Variants in EFNA5 observed in about 807,000 individuals in gnomAD.
EFNA5 encodes the protein ephrin-A5.
Under a neutral mutation model 22.9 loss-of-function variants are expected in EFNA5, and 5 were observed. The observed-to-expected ratio is 0.22, with a 90% CI of 0.11 to 0.46. EFNA5 has a LOEUF of 0.46. Ranked by LOEUF, EFNA5 falls within the 20% of genes least tolerant of loss-of-function variation. EFNA5 has a pLI of 0.99. For missense variants in EFNA5, 237 were observed against 293.3 expected, an observed-to-expected ratio of 0.81 and a Z score of 1.40; for synonymous variants, 113 against 112.2, an observed-to-expected ratio of 1.01 and a Z score of -0.04.
At chr5:107,590,056 G>A (rs1403063293) in intron 1 of EFNA5, among the ~76,000 whole-genome samples, 1 of 151,634 alleles carries the variant, frequency 6.6e-6, no homozygotes, top group Non-Finnish European at 1.5e-5. Flanking sequence ...GACTCTCATT[G>A]GAGACGGTGA....
intron 2 of EFNA5, among the ~76,000 whole-genome samples, chr5:107,417,826 T>C (rs1243745673): frequency 2.0e-5 from 3 of 152,150 alleles, no homozygotes; most frequent in East Asian, 3.8e-4. Flanking sequence ...CTGTAGATAA[T>C]ATAAGCCTGC....
chr5:107,607,067 A>C (rs1275428119), intron 1 of EFNA5, among the ~76,000 whole-genome samples: 2 of 152,234 alleles, frequency 1.3e-5, no homozygotes, highest in East Asian at 3.8e-4. Context: ...AAACAAAAAC[A>C]TGAATATGGT....
chr5:107,444,121 G>A (rs1346670543), intron 1 of EFNA5, among the ~76,000 whole-genome samples: 4 of 152,118 alleles, frequency 2.6e-5, no homozygotes, highest in Admixed American at 2.6e-4. Context: ...TGATGTAAGT[G>A]GTTCAGAACA....
chr5:107,599,679 T>G (rs1285977026), intron 1 of EFNA5, among the ~76,000 whole-genome samples: 1 of 152,246 alleles, frequency 6.6e-6, no homozygotes, highest in Non-Finnish European at 1.5e-5. Flanking sequence ...CTAGAAAGAT[T>G]TGTTAAATAT....
chr5:107,479,956 C>T (rs183800398), intron 1 of EFNA5, among the ~76,000 whole-genome samples: 6 of 152,222 alleles, frequency 3.9e-5, no homozygotes, highest in Admixed American at 1.3e-4. Flanking sequence ...GTACAATACT[C>T]GTACTCTCCG....
chr5:107,625,149 C>T (rs1580566872), intron 1 of EFNA5, among the ~76,000 whole-genome samples: 1 of 152,078 alleles, frequency 6.6e-6, no homozygotes, highest in East Asian at 1.9e-4. Context: ...TTTTGAAATA[C>T]TATGCAGAGC....
chr5:107,591,037 T>C (rs1305964486), intron 1 of EFNA5, among the ~76,000 whole-genome samples: 3 of 151,962 alleles, frequency 2.0e-5, no homozygotes, highest in African/African-American at 7.2e-5. Context: ...CAATAATTTT[T>C]AATTACTTAA....
intron 1 of EFNA5, among the ~76,000 whole-genome samples, chr5:107,591,756 A>C (rs1283666327): frequency 2.1e-5 from 3 of 140,510 alleles, no homozygotes; most frequent in Non-Finnish European, 4.5e-5. Flanking sequence ...GGGAGGCGGA[A>C]GTTGCAGTGA....
At chr5:107,429,822 TAGC>T (rs1439796778) in intron 1 of EFNA5, among the ~76,000 whole-genome samples, 1 of 152,212 alleles carries the variant, frequency 6.6e-6, no homozygotes, top group Non-Finnish European at 1.5e-5. Flanking sequence ...TTTAAAATAA[TAGC>T]AGTAAGAACA....
intron 1 of EFNA5, among the ~76,000 whole-genome samples, chr5:107,431,731 T>G (rs566983561): frequency 2.0e-5 from 3 of 152,222 alleles, no homozygotes; most frequent in Non-Finnish European, 4.4e-5. Context: ...ATTTTCATTC[T>G]TGATGAGGTT....
intron 1 of EFNA5, among the ~76,000 whole-genome samples, chr5:107,570,960 C>G (rs984433941): frequency 6.6e-6 from 1 of 152,220 alleles, no homozygotes; most frequent in African/African-American, 2.4e-5. Flanking sequence ...TGAAAGCCAT[C>G]TAAGATTTGA....
intron 2 of EFNA5, among the ~76,000 whole-genome samples, chr5:107,402,283 A>G (rs1748106953): frequency 6.6e-6 from 1 of 152,222 alleles, no homozygotes; most frequent in African/African-American, 2.4e-5. Flanking sequence ...CTAGCATAAT[A>G]AAATGGCAAG....
At chr5:107,399,815 T>C (rs937181224) in intron 2 of EFNA5, among the ~76,000 whole-genome samples, 5 of 152,202 alleles carry the variant, frequency 3.3e-5, no homozygotes, top group African/African-American at 1.2e-4. Context: ...GAGTATTTCT[T>C]GTGTATTAAA....
intron 1 of EFNA5, among the ~76,000 whole-genome samples, chr5:107,440,915 A>G (rs2112435574): frequency 6.6e-6 from 1 of 152,222 alleles, no homozygotes; most frequent in East Asian, 1.9e-4. Flanking sequence ...GGATAATTTT[A>G]CTTGTTGATG....
chr5:107,530,931 C>A (rs1313436179), intron 1 of EFNA5, among the ~76,000 whole-genome samples: 1 of 152,140 alleles, frequency 6.6e-6, no homozygotes, highest in African/African-American at 2.4e-5. Flanking sequence ...CCAAGTATAT[C>A]ATTATTTCTT....
At chr5:107,587,549 C>T (rs767279394) in intron 1 of EFNA5, among the ~76,000 whole-genome samples, 22 of 152,106 alleles carry the variant, frequency 1.4e-4, no homozygotes, top group African/African-American at 4.1e-4. Flanking sequence ...TGGAGTCTTG[C>T]GCTGTTGCCC....
At chr5:107,536,380 A>G (rs1223605983) in intron 1 of EFNA5, among the ~76,000 whole-genome samples, 1 of 152,222 alleles carries the variant, frequency 6.6e-6, no homozygotes, top group Non-Finnish European at 1.5e-5. Flanking sequence ...ATTAACATAT[A>G]ACTAGGGCAG....
At chr5:107,591,891 TTA>T (rs1157855828) in intron 1 of EFNA5, among the ~76,000 whole-genome samples, 1 of 17,092 alleles carries the variant, frequency 5.9e-5, no homozygotes, top group Admixed American at 8.5e-4. Flanking sequence ...AATATATATA[TTA>T]TATATAATAT....
intron 1 of EFNA5, among the ~76,000 whole-genome samples, chr5:107,606,576 CA>C: frequency 7.3e-6 from 1 of 136,104 alleles, no homozygotes; most frequent in Admixed American, 7.4e-5. Flanking sequence ...CACACACACA[CA>C]CACACAGAGC....
Sources: allele counts gnomAD v4.1 joint callset (sites outside exome capture counted in the v4.1 genomes callset), GRCh38; gene constraint gnomAD v4.1.1; transcripts MANE v1.5; gene names NCBI Gene and HGNC (gene_info 2026-07-23, HGNC 2026-07-21).